TCF4: variants seen among roughly 807,000 people sequenced by gnomAD.
TCF4 encodes the protein transcription factor 4.
Under a neutral mutation model 82.1 loss-of-function variants are expected in TCF4, and 3 were observed. The ratio of observed to expected loss-of-function variants is 0.04; its 90% CI spans 0.02 to 0.09. TCF4 has a LOEUF of 0.09. Among genes scored for constraint, TCF4 ranks in the 10% least tolerant of loss-of-function variants. The pLI, the probability that TCF4 is intolerant of heterozygous loss-of-function variation, is 1.00. For missense variants in TCF4, 518 were observed against 852.7 expected, an observed-to-expected ratio of 0.61 and a Z score of 4.89; for synonymous variants, 276 against 309.6, an observed-to-expected ratio of 0.89 and a Z score of 1.14.
rs1603617295 is a variant in TCF4, at chr18:55,506,943, A to G, written c.146-42806T>C. On this transcript the variant is annotated intron_variant, in intron 3 of 19. Coordinates refer to ENST00000354452, the MANE Select transcript of TCF4 (RefSeq NM_001083962.2). ...AGTGGCACAATCTTGGCTCACTGCA[A>G]CCTCCGCCTCTCAGACTCAAGCAAT... Among the ~76,000 whole-genome samples the G allele has an allele frequency of 2.0e-5, 3 of 151,566 alleles. No homozygotes were observed. The South Asian group carries it at 6.3e-4, about 32-fold the overall frequency.
chr18:55,578,784 C>T (rs2097551010), intron 3 of TCF4, among the ~76,000 whole-genome samples: 1 of 152,018 alleles, frequency 6.6e-6, no homozygotes, highest in South Asian at 2.1e-4. Flanking sequence ...GCACATCCAA[C>T]AATGGATTGC....
chr18:55,505,520 C>T (rs1331250762), intron 3 of TCF4, among the ~76,000 whole-genome samples: 1 of 152,012 alleles, frequency 6.6e-6, no homozygotes, highest in African/African-American at 2.4e-5. Context: ...AAAATAGCAA[C>T]CGGGCCGGGC....
At chr18:55,488,211 C>A (rs561423257) in intron 3 of TCF4, among the ~76,000 whole-genome samples, 2 of 152,254 alleles carry the variant, frequency 1.3e-5, no homozygotes, top group East Asian at 1.9e-4. Flanking sequence ...GTCTAATATA[C>A]AAAACAAACA....
At chr18:55,465,661 C>T (rs1266529567) in intron 3 of TCF4, among the ~76,000 whole-genome samples, 3 of 152,110 alleles carry the variant, frequency 2.0e-5, no homozygotes, top group African/African-American at 7.2e-5. Flanking sequence ...CTGAAGCACA[C>T]AAAGAAGCTA....
At chr18:55,271,927 T>G (rs1210882753) in intron 10 of TCF4, among the ~76,000 whole-genome samples, 5 of 152,134 alleles carry the variant, frequency 3.3e-5, no homozygotes, top group Non-Finnish European at 7.4e-5. Context: ...CACAGTCCTA[T>G]TCCATGTGGA....
rs150754526 is a variant in TCF4, at chr18:55,272,713, C to T, written c.790-2750G>A. On this transcript the variant is annotated intron_variant, in intron 10 of 19. Transcript: ENST00000354452. ...GCCAGACAATTCTTTGCTGTGGAGGCTCTCCCATACATGACGTCATGTTTA... is the reference window on the plus strand; with the variant it reads ...GCCAGACAATTCTTTGCTGTGGAGGTTCTCCCATACATGACGTCATGTTTA... Among the ~76,000 whole-genome samples the T allele has an allele frequency of 2.6e-5, 4 of 152,134 alleles. No homozygotes were observed. In the East Asian group the frequency reaches 7.7e-4, roughly 29 times the overall value.
intron 5 of TCF4, among the ~76,000 whole-genome samples, chr18:55,459,060 A>G (rs2095823037): frequency 1.3e-5 from 2 of 152,182 alleles, no homozygotes; most frequent in Non-Finnish European, 2.9e-5. Context: ...TTTCACTGGG[A>G]ACAGTGGGTG....
At chr18:55,289,370 G>C (rs1051372969) in intron 8 of TCF4, among the ~76,000 whole-genome samples, 1 of 152,144 alleles carries the variant, frequency 6.6e-6, no homozygotes, top group Admixed American at 6.5e-5. Flanking sequence ...CAAATGCATT[G>C]ATGTGCATGT....
chr18:55,275,817 T>C, intron 9 of TCF4, 65 bp from the exon 10 acceptor site: 1 of 1,603,190 alleles, frequency 6.2e-7, no homozygotes, highest in South Asian at 1.1e-5. Flanking sequence ...GAATAGGGTT[T>C]TTTCATATAC....
chr18:55,366,308 C>T (rs1191994954), intron 6 of TCF4, among the ~76,000 whole-genome samples: 1 of 152,086 alleles, frequency 6.6e-6, no homozygotes, highest in Admixed American at 6.6e-5. Context: ...AGAATATCTA[C>T]GTATCTATAA....
At chr18:55,474,021 T>A (rs2096241291) in intron 3 of TCF4, among the ~76,000 whole-genome samples, 1 of 152,162 alleles carries the variant, frequency 6.6e-6, no homozygotes, top group Non-Finnish European at 1.5e-5. Flanking sequence ...AACTACTAAT[T>A]CTTTATCTCT....
intron 6 of TCF4, among the ~76,000 whole-genome samples, chr18:55,366,164 T>C (rs1371640091): frequency 6.6e-6 from 1 of 152,180 alleles, no homozygotes; most frequent in East Asian, 1.9e-4. Flanking sequence ...TATTTGTTAT[T>C]TGGCTTTTGT....
At chr18:55,613,481 TG>T (rs1380233087) in intron 2 of TCF4, among the ~76,000 whole-genome samples, 6 of 152,202 alleles carry the variant, frequency 3.9e-5, no homozygotes, top group African/African-American at 1.4e-4. Flanking sequence ...TTTTTATTGC[TG>T]GGTAGTATTT....
intron 8 of TCF4, among the ~76,000 whole-genome samples, chr18:55,325,160 C>G (rs2076337654): frequency 6.6e-6 from 1 of 152,162 alleles, no homozygotes; most frequent in African/African-American, 2.4e-5. Flanking sequence ...ATCTACATCA[C>G]TTGAATGAAG....
intron 6 of TCF4, among the ~76,000 whole-genome samples, chr18:55,374,328 G>A (rs2090158303): frequency 6.7e-6 from 1 of 150,006 alleles, no homozygotes; most frequent in African/African-American, 2.5e-5. Flanking sequence ...GATTATCAAT[G>A]AAACCAAAAG....
chr18:55,241,770 C>T (rs958800119), intron 15 of TCF4, among the ~76,000 whole-genome samples: 3 of 152,200 alleles, frequency 2.0e-5, no homozygotes, highest in African/African-American at 4.8e-5. Context: ...CTCACCTAAA[C>T]GAATGAACCA....
intron 8 of TCF4, among the ~76,000 whole-genome samples, chr18:55,314,974 C>A (rs1354741595): frequency 6.6e-6 from 1 of 152,070 alleles, no homozygotes; most frequent in South Asian, 2.1e-4. Flanking sequence ...TTGTTAACAT[C>A]CCCTATTCAT....
intron 5 of TCF4, 144 bp from the exon 6 acceptor site, chr18:55,403,662 G>T: frequency 6.3e-7 from 1 of 1,581,374 alleles, no homozygotes; most frequent in Non-Finnish European, 8.6e-7. Flanking sequence ...GCAAGAGAGG[G>T]AATAACACTT....
intron 3 of TCF4, among the ~76,000 whole-genome samples, chr18:55,573,138 T>A (rs2097491650): frequency 1.3e-5 from 2 of 151,964 alleles, no homozygotes; most frequent in African/African-American, 4.8e-5. Flanking sequence ...GCAAACTCAA[T>A]CTAACTTTTC....
Sources: gnomAD v4.1 joint callset for allele counts (sites outside exome capture counted in the v4.1 genomes callset) on GRCh38, gnomAD v4.1.1 for gene constraint, MANE v1.5 for transcripts, NCBI Gene and HGNC (gene_info 2026-07-23, HGNC 2026-07-21) for gene names.